Variants in SULT6B1 observed in about 807,000 individuals in gnomAD.
SULT6B1 encodes sulfotransferase family 6B member 1.
SULT6B1 carries 44 observed loss-of-function variants against 37.2 expected under a neutral mutation model. That is an observed-to-expected ratio of 1.18 (90% CI 0.93 to 1.52). The LOEUF (loss-of-function observed/expected upper bound fraction) is 1.52, where lower values mean the gene tolerates loss of function less well. Ranked by LOEUF, SULT6B1 falls within the 40% of genes most tolerant of loss-of-function variation. SULT6B1 has a pLI of 0.00. For missense variants in SULT6B1, 450 were observed against 361.0 expected (o/e 1.25, Z -2.00); for synonymous variants, 140 against 126.0 (o/e 1.11, Z -0.74).
At chr2:37,188,920 A>C (rs1457267604), upstream of SULT6B1, among the ~76,000 whole-genome samples, 1 of 152,252 alleles carries the variant, frequency 6.6e-6, no homozygotes, top group East Asian at 1.9e-4. Flanking sequence ...ATATCCTAAT[A>C]GAAGAAAATA....
chr2:37,167,908 A>C lies in SULT6B1; in HGVS notation c.*27T>G, dbSNP rs2148281518. ...CACTTAATTATTATTAAGGAAAATAAATCTAGGCCTGCTGAATTGACTGGA... is the reference window on the plus strand; with the variant it reads ...CACTTAATTATTATTAAGGAAAATACATCTAGGCCTGCTGAATTGACTGGA... On this transcript the variant is annotated 3_prime_UTR_variant, in exon 7 of 7. Transcript: ENST00000535679. The C allele has an allele frequency of 1.3e-6, 2 of 1,526,572 alleles. No homozygotes were observed. Among genetic ancestry groups the C allele is most frequent in the Non-Finnish European group, 1.7e-6 (2 of 1,148,820 alleles). The allele number at this position is 1,526,572 out of a possible 1,614,324, so 94.6% of individuals were successfully genotyped here.
chr2:37,176,961 G>A (rs1164310782), intron 4 of SULT6B1, among the ~76,000 whole-genome samples: 1 of 152,088 alleles, frequency 6.6e-6, no homozygotes, highest in Non-Finnish European at 1.5e-5. Flanking sequence ...AAGGATAGTA[G>A]CCAATTTCAG....
intron 6 of SULT6B1, among the ~76,000 whole-genome samples, chr2:37,171,099 T>G (rs910576450): frequency 1.1e-4 from 16 of 152,068 alleles, no homozygotes; most frequent in African/African-American, 3.9e-4. Context: ...ATTAACTGGG[T>G]GTGGTGGCAC....
chr2:37,183,327 A>T, intron 3 of SULT6B1, 98 bp downstream of exon 3: 2 of 923,156 alleles, frequency 2.2e-6, no homozygotes, highest in Non-Finnish European at 3.3e-6. Context: ...TTCATTTATT[A>T]AGCTTCTATG....
chr2:37,185,270 T>A (rs1204545901), intron 2 of SULT6B1, among the ~76,000 whole-genome samples: 1 of 152,154 alleles, frequency 6.6e-6, no homozygotes, highest in Admixed American at 6.5e-5. Flanking sequence ...CTACATAATA[T>A]ATAATACTAT....
chr2:37,187,975 A>T (rs1402999796), intron 1 of SULT6B1, among the ~76,000 whole-genome samples: 2 of 152,208 alleles, frequency 1.3e-5, no homozygotes, highest in Non-Finnish European at 2.9e-5. Context: ...TTTTCCGTTG[A>T]TGAAGGATCT....
At chr2:37,185,569 T>A (rs1195469562) in intron 2 of SULT6B1, among the ~76,000 whole-genome samples, 2 of 151,490 alleles carry the variant, frequency 1.3e-5, no homozygotes, top group African/African-American at 2.4e-5. Flanking sequence ...ATACAAAACA[T>A]TAGCTAGGCA....
At chr2:37,168,406 C>T (rs962202731) in intron 6 of SULT6B1, among the ~76,000 whole-genome samples, 3 of 152,174 alleles carry the variant, frequency 2.0e-5, no homozygotes, top group African/African-American at 7.2e-5. Context: ...GATCCGCCAG[C>T]CTCGGCCTCC....
At chr2:37,168,329 T>C (rs1441546681) in intron 6 of SULT6B1, among the ~76,000 whole-genome samples, 1 of 152,090 alleles carries the variant, frequency 6.6e-6, no homozygotes, top group African/African-American at 2.4e-5. Context: ...ACCCGGCTAA[T>C]GTATTTTTAG....
chr2:37,185,852 G>A (rs1446097512), intron 2 of SULT6B1, among the ~76,000 whole-genome samples: 1 of 152,070 alleles, frequency 6.6e-6, no homozygotes, highest in Non-Finnish European at 1.5e-5. Context: ...AGTCTATGGG[G>A]CTTTTCCTTT....
At chr2:37,186,108 A>G (rs1342179739) in intron 2 of SULT6B1, among the ~76,000 whole-genome samples, 1 of 152,218 alleles carries the variant, frequency 6.6e-6, no homozygotes, top group Non-Finnish European at 1.5e-5. Context: ...TCTAGGTTCC[A>G]ACTTTCAAGT....
At chr2:37,177,207 A>G (rs972033954) in intron 4 of SULT6B1, among the ~76,000 whole-genome samples, 6 of 152,054 alleles carry the variant, frequency 3.9e-5, no homozygotes, top group African/African-American at 1.4e-4. Context: ...AAAATAAGCT[A>G]GACACAAAAA....
chr2:37,172,699 G>C (rs990972290), intron 5 of SULT6B1, among the ~76,000 whole-genome samples: 2 of 151,940 alleles, frequency 1.3e-5, no homozygotes, highest in African/African-American at 4.8e-5. Context: ...GTAGAAACAG[G>C]GTTTCACCAT....
At chr2:37,194,113 T>C (rs573480779) in intron 1 of SULT6B1, among the ~76,000 whole-genome samples, 50 of 152,360 alleles carry the variant, frequency 3.3e-4, no homozygotes, top group Non-Finnish European at 6.8e-4. Flanking sequence ...TTTATATTTA[T>C]ATAGTTATAT....
At chr2:37,193,628 A>G (rs551518446), upstream of SULT6B1, among the ~76,000 whole-genome samples, 18 of 151,140 alleles carry the variant, frequency 1.2e-4, no homozygotes, top group Admixed American at 8.6e-4. Flanking sequence ...GAAGAAGAAG[A>G]AGAAGAAGAA....
chr2:37,185,080 T>G (rs1289463690), intron 2 of SULT6B1, among the ~76,000 whole-genome samples: 1 of 152,186 alleles, frequency 6.6e-6, no homozygotes, highest in Non-Finnish European at 1.5e-5. Context: ...TTTGAGGTTT[T>G]AAGCACTTTG....
intron 1 of SULT6B1, among the ~76,000 whole-genome samples, chr2:37,194,101 AT>A (rs1308181001): frequency 6.6e-6 from 1 of 152,100 alleles, no homozygotes; most frequent in Non-Finnish European, 1.5e-5. Flanking sequence ...CGTGAAAGAA[AT>A]TTTATATTTA....
chr2:37,185,912 C>T (rs1251258364), intron 2 of SULT6B1, among the ~76,000 whole-genome samples: 3 of 152,120 alleles, frequency 2.0e-5, no homozygotes, highest in Non-Finnish European at 4.4e-5. Flanking sequence ...GTCCATCCTA[C>T]GTTCCTGGGC....
At chr2:37,188,401 A>T in intron 1 of SULT6B1, 41 bp downstream of exon 1, 1 of 1,545,318 alleles carries the variant, frequency 6.5e-7, no homozygotes, top group Non-Finnish European at 8.9e-7. Context: ...CAACCTACTC[A>T]CTATGAGAAG....
Sources: gnomAD v4.1 joint callset for allele counts (sites outside exome capture counted in the v4.1 genomes callset) on GRCh38, gnomAD v4.1.1 for gene constraint, MANE v1.5 for transcripts, NCBI Gene and HGNC (gene_info 2026-07-23, HGNC 2026-07-21) for gene names.